Variants in KIAA0319 observed in about 807,000 individuals in gnomAD.
The protein encoded by KIAA0319 is KIAA0319.
A neutral mutation model predicts 108.4 loss-of-function variants in KIAA0319; 83 were observed. The ratio of observed to expected loss-of-function variants is 0.77; its 90% CI spans 0.64 to 0.92. KIAA0319 has a LOEUF of 0.92. KIAA0319 is among the 40% of genes least tolerant of loss of function. The pLI is 0.00. For synonymous variants in KIAA0319, 484 were observed against 510.4 expected (o/e 0.95, Z 0.70); for missense variants, 1,195 against 1,322.4 (o/e 0.90, Z 1.49).
intron 10 of KIAA0319, among the ~76,000 whole-genome samples, chr6:24,575,760 A>G (rs574612716): frequency 6.6e-6 from 1 of 151,244 alleles, no homozygotes; most frequent in South Asian, 2.1e-4. Flanking sequence ...TTTTTTTCTC[A>G]TGAAACTCAA....
chr6:24,634,023 T>C (rs1206822933), intron 1 of KIAA0319, among the ~76,000 whole-genome samples: 1 of 152,216 alleles, frequency 6.6e-6, no homozygotes, highest in East Asian at 1.9e-4. Context: ...AACAAAATTA[T>C]TTTGGATCAA....
intron 3 of KIAA0319, among the ~76,000 whole-genome samples, chr6:24,590,311 A>AG (rs1768275041): frequency 6.6e-6 from 1 of 151,928 alleles, no homozygotes. Flanking sequence ...AAAAAAAAAA[A>AG]CAAGACGAAA....
Position 24,545,222 on chromosome 6 carries a change from C to CATG in KIAA0319, c.*1942_*1943insCAT, listed in dbSNP as rs1287510674. 6.6e-6 allele frequency: 1 copy of CATG among 152,188 alleles called. No individual in the cohort carries two copies. Among genetic ancestry groups the CATG allele is most frequent in the Non-Finnish European group, 1.5e-5 (1 of 68,042 alleles). The allele number at this position is 152,188 out of a possible 1,614,324, so 9.4% of individuals were successfully genotyped here. A position where few individuals can be genotyped will look rare whatever the true frequency, so the allele number is the denominator to read the frequency against. On this transcript the variant is annotated 3_prime_UTR_variant, in exon 21 of 21. Coordinates refer to ENST00000378214, the MANE Select transcript of KIAA0319 (RefSeq NM_014809.4). ...AAAATTTGCATTCAGTTCTTGGAGC[C>CATG]ACTACTTCTTGGCCATGACCTCTGG...
chr6:24,628,754 G>A (rs1232035616), intron 1 of KIAA0319, among the ~76,000 whole-genome samples: 1 of 152,070 alleles, frequency 6.6e-6, no homozygotes, highest in African/African-American at 2.4e-5. Flanking sequence ...GATGGTGGCC[G>A]TCAATCCTCG....
At chr6:24,636,573 A>T (rs1776228566) in intron 1 of KIAA0319, among the ~76,000 whole-genome samples, 3 of 152,338 alleles carry the variant, frequency 2.0e-5, no homozygotes, top group South Asian at 4.1e-4. Flanking sequence ...CAAATTTATG[A>T]TGAAGCTTGA....
intron 4 of KIAA0319, among the ~76,000 whole-genome samples, chr6:24,586,560 T>C (rs559173176): frequency 1.3e-5 from 2 of 152,298 alleles, no homozygotes; most frequent in East Asian, 3.9e-4. Context: ...CTGGGCACCT[T>C]TGGCCACTTG....
intron 16 of KIAA0319, among the ~76,000 whole-genome samples, chr6:24,561,730 G>A (rs1763126239): frequency 6.6e-6 from 1 of 151,646 alleles, no homozygotes; most frequent in Non-Finnish European, 1.5e-5. Flanking sequence ...TTTTAAGATG[G>A]AGTCTCGCTC....
chr6:24,564,056 G>A (rs930476446), intron 15 of KIAA0319, 146 bp downstream of exon 15: 7 of 831,052 alleles, frequency 8.4e-6, no homozygotes, highest in Non-Finnish European at 1.3e-5. Context: ...ACAACAAGGT[G>A]TAAGAGACAT....
intron 20 of KIAA0319, among the ~76,000 whole-genome samples, chr6:24,548,093 A>G (rs1306390459): frequency 6.6e-6 from 1 of 152,186 alleles, no homozygotes; most frequent in Non-Finnish European, 1.5e-5. Flanking sequence ...GGCTCATAAC[A>G]GGTTAGATGT....
intron 4 of KIAA0319, among the ~76,000 whole-genome samples, chr6:24,587,501 C>T (rs1415432635): frequency 6.6e-6 from 1 of 151,830 alleles, no homozygotes; most frequent in Non-Finnish European, 1.5e-5. Flanking sequence ...AGGATGGTCT[C>T]GATCTCCTGA....
In KIAA0319 at chr6:24,546,820, T is replaced by C; in HGVS notation, c.*345A>G. The C allele has an allele frequency of 5.0e-6, 1 of 200,128 alleles. No individual in the cohort carries two copies. Among genetic ancestry groups the C allele is most frequent in the Non-Finnish European group, 1.0e-5 (1 of 96,582 alleles). The allele number at this position is 200,128 out of a possible 1,614,324, so 12.4% of individuals were successfully genotyped here. On this transcript the variant is annotated 3_prime_UTR_variant, in exon 21 of 21. Coordinates refer to ENST00000378214, the MANE Select transcript of KIAA0319 (RefSeq NM_014809.4). ...CAGCAGCTAAGACAGAAATCATCCC[T>C]TTTTAAAACCTTGTTTCATTCACCT...
At chr6:24,586,998 A>C (rs1032036845) in intron 4 of KIAA0319, among the ~76,000 whole-genome samples, 1 of 151,388 alleles carries the variant, frequency 6.6e-6, no homozygotes, top group Non-Finnish European at 1.5e-5. Context: ...ATGATCTCCT[A>C]TGTCCCCCGT....
chr6:24,591,697 C>A (rs1160119770), intron 3 of KIAA0319, among the ~76,000 whole-genome samples: 6 of 152,188 alleles, frequency 3.9e-5, no homozygotes, highest in African/African-American at 1.4e-4. Context: ...TCCTTACTAA[C>A]ACTTATTATC....
At chr6:24,541,724 G>A (rs1760200140), downstream of KIAA0319, among the ~76,000 whole-genome samples, 1 of 152,200 alleles carries the variant, frequency 6.6e-6, no homozygotes, top group Non-Finnish European at 1.5e-5. Context: ...CTTGAACTGG[G>A]GAGGAAGAGG....
At position 24,640,275 on chromosome 6, in the gene KIAA0319, GC is replaced by G. The variant is rs563892497; in HGVS notation, c.-106+5460del. 1.9e-3 allele frequency among the ~76,000 whole-genome samples: 288 copies of G among 152,288 alleles called. 1 individual carries two copies. Among genetic ancestry groups the G allele is most frequent in the Middle Eastern group, 6.8e-3 (2 of 294 alleles). ...AAAGGCATGCACAGTGAGCAAGAAT[GC>G]CATCAGGGAAATAGAGATGAGATGA... is the stretch of plus-strand genomic sequence containing the variant. On this transcript the variant is annotated intron_variant, in intron 1 of 20. Coordinates refer to ENST00000378214, the MANE Select transcript of KIAA0319 (RefSeq NM_014809.4).
chr6:24,599,426 C>T lies in KIAA0319; in HGVS notation c.55+1623G>A. 3.6e-6 allele frequency: 2 copies of T among 550,062 alleles called. No homozygotes were observed. The highest frequency in any genetic ancestry group is 7.0e-6 in the Non-Finnish European group (2 of 286,124). 34.1% of individuals were successfully genotyped at this position (550,062 alleles called of 1,614,324 possible). A position where few individuals can be genotyped will look rare whatever the true frequency, so the allele number is the denominator to read the frequency against. On this transcript the variant is annotated intron_variant, in intron 2 of 20. Coordinates refer to ENST00000378214, the MANE Select transcript of KIAA0319 (RefSeq NM_014809.4). This position sits in a 1 kb window ranked among gnomAD's most constrained non-coding sequence, Gnocchi z 4.1. ...ATGCCAAGCTGTCCAAGCTGGAGGCCACCCTGCAGTGGGCCATGCAGGACA... is the reference window on the plus strand; with the variant it reads ...ATGCCAAGCTGTCCAAGCTGGAGGCTACCCTGCAGTGGGCCATGCAGGACA...
chr6:24,599,281 T>A lies in KIAA0319; in HGVS notation c.55+1768A>T. 1 of 489,538 alleles carries A rather than the reference T, an allele frequency of 2.0e-6. No individual in the cohort carries two copies. Among genetic ancestry groups the A allele is most frequent in the Non-Finnish European group, 3.8e-6 (1 of 264,758 alleles). 30.3% of individuals were successfully genotyped at this position (489,538 alleles called of 1,614,324 possible). ...TATACAAAGATGGAGATCTCTGAGA[T>A]GAATCAGAACATCAGCCGGCTCCAG... On this transcript the variant is annotated intron_variant, in intron 2 of 20. Coordinates refer to ENST00000378214, the MANE Select transcript of KIAA0319 (RefSeq NM_014809.4). The surrounding 1 kb of genome is among the most constrained non-coding windows in gnomAD (Gnocchi z 4.1).
chr6:24,572,981 C>T (rs1000455035), intron 10 of KIAA0319, among the ~76,000 whole-genome samples: 2 of 151,992 alleles, frequency 1.3e-5, no homozygotes, highest in African/African-American at 2.4e-5. Context: ...ATCAGCTGGG[C>T]ATGATGGCGG....
chr6:24,591,522 G>A (rs1208929412), intron 3 of KIAA0319, among the ~76,000 whole-genome samples: 3 of 152,130 alleles, frequency 2.0e-5, no homozygotes, highest in African/African-American at 7.2e-5. Context: ...AATCACTGGA[G>A]CCCAGGAGTT....
Sources: allele counts gnomAD v4.1 joint callset (sites outside exome capture counted in the v4.1 genomes callset), GRCh38; gene constraint gnomAD v4.1.1; non-coding constraint Gnocchi (gnomAD v3.1); transcripts MANE v1.5; gene names NCBI Gene and HGNC (gene_info 2026-07-23, HGNC 2026-07-21).